Variants in TERB1 observed in about 807,000 individuals in gnomAD.
TERB1 encodes telomere repeat binding bouquet formation protein 1, also known as telomere repeats-binding bouquet formation protein 1.
In TERB1, 63 loss-of-function variants were observed where a neutral mutation model predicts 92.3. The ratio of observed to expected loss-of-function variants is 0.68; its 90% CI spans 0.56 to 0.84. TERB1 has a LOEUF of 0.84. TERB1 is among the 40% of genes least tolerant of loss of function. The pLI, the probability that TERB1 is intolerant of heterozygous loss-of-function variation, is 0.00. For missense variants in TERB1, 709 were observed against 843.7 expected (o/e 0.84, Z 1.98); for synonymous variants, 252 against 283.9 (o/e 0.89, Z 1.13).
At chr16:66,773,493 A>G (rs2018490019) in intron 12 of TERB1, among the ~76,000 whole-genome samples, 2 of 152,100 alleles carry the variant, frequency 1.3e-5, no homozygotes, top group Non-Finnish European at 2.9e-5. Flanking sequence ...CTGGCCATCA[A>G]TTCCTTAAGT....
intron 5 of TERB1, 49 bp from the exon 6 acceptor site, chr16:66,788,346 C>T (rs2018763458): frequency 9.3e-6 from 13 of 1,402,110 alleles, no homozygotes; most frequent in African/African-American, 1.5e-5. Flanking sequence ...CACAAACATG[C>T]TTTAAAATAT....
At chr16:66,778,725 A>T in intron 10 of TERB1, 138 bp downstream of exon 10, 1 of 697,408 alleles carries the variant, frequency 1.4e-6, no homozygotes, top group Non-Finnish European at 2.1e-6. Context: ...GCCATGTTGG[A>T]TACTTTCTAA....
At position 66,777,299 on chromosome 16, in the gene TERB1, C is replaced by T. The variant is rs1290153835; in HGVS notation, c.889G>A (p.Val297Ile). The change falls in exon 11 of 19, where the codon GTT becomes ATT. Residue 297 changes from valine (V) to isoleucine (I), a missense_variant. Physicochemically the swap from Val to Ile is conservative, Grantham distance 29. Transcript: ENST00000433154. ...FGIVLSKYHI[V>I]SKLLALLLHE... ...AGCAGTAATGCCAGAAGTTTAGAAA[C>T]AATGTGGTACTTGGAGAGTACTATC... is the stretch of plus-strand genomic sequence containing the variant. 1 of 1,548,592 alleles carries T rather than the reference C, an allele frequency of 6.5e-7. No individual in the cohort carries two copies. Among genetic ancestry groups the T allele is most frequent in the East Asian group, 2.5e-5 (1 of 40,814 alleles).
intron 16 of TERB1, among the ~76,000 whole-genome samples, chr16:66,766,769 T>C (rs978014677): frequency 1.3e-5 from 2 of 152,184 alleles, no homozygotes; most frequent in African/African-American, 4.8e-5. Context: ...ATACAAATAT[T>C]GGAAGCTCAG....
At position 66,775,117 on chromosome 16, in the gene TERB1, CT is replaced by C. The variant is rs1567471331; in HGVS notation, c.1111del (p.Thr371LeufsTer6). On this transcript the variant is annotated frameshift_variant and splice_region_variant, in exon 12 of 19. Transcript: ENST00000433154. LOFTEE classifies it high-confidence loss of function. Reference protein sequence around the residue: ...TFVLHNCKKITEKLSLSLGEY... With the variant: ...TFVLHNCKKIXEKLSLSLGEY... ...TGTTCTTAAAGTAATAGTACACTTA[CT>C]AATTTTTTTGCAGTTGTGAAGCACA... The C allele has an allele frequency of 6.4e-7, 1 of 1,551,364 alleles. No homozygotes were observed. The highest frequency in any genetic ancestry group is 8.7e-7 in the Non-Finnish European group (1 of 1,146,894).
chr16:66,793,662 C>T (rs1213513135), intron 3 of TERB1, among the ~76,000 whole-genome samples: 3 of 152,130 alleles, frequency 2.0e-5, no homozygotes, highest in Non-Finnish European at 2.9e-5. Context: ...CAGGTGTGCA[C>T]CACCACGCCC....
intron 12 of TERB1, among the ~76,000 whole-genome samples, chr16:66,774,808 C>T (rs2018517608): frequency 6.6e-6 from 1 of 151,822 alleles, no homozygotes; most frequent in East Asian, 1.9e-4. Context: ...CCTTCTACCT[C>T]AGCTTCCCAA....
At chr16:66,767,214 C>T (rs1384701689) in intron 16 of TERB1, among the ~76,000 whole-genome samples, 1 of 151,558 alleles carries the variant, frequency 6.6e-6, no homozygotes, top group African/African-American at 2.4e-5. Context: ...TAGTGGGCAC[C>T]TGTAATCCCA....
intron 9 of TERB1, among the ~76,000 whole-genome samples, chr16:66,783,326 C>T (rs1190813470): frequency 6.6e-6 from 1 of 152,204 alleles, no homozygotes; most frequent in Non-Finnish European, 1.5e-5. Flanking sequence ...TTTCCTGCAT[C>T]TATTGAAATT....
At chr16:66,766,264 A>C (rs1469132670) in intron 16 of TERB1, among the ~76,000 whole-genome samples, 1 of 151,776 alleles carries the variant, frequency 6.6e-6, no homozygotes, top group Non-Finnish European at 1.5e-5. Flanking sequence ...AAGATTTTGC[A>C]ATTAGTATTA....
chr16:66,793,149 A>G (rs2018864587), intron 3 of TERB1, among the ~76,000 whole-genome samples: 3 of 151,228 alleles, frequency 2.0e-5, no homozygotes, highest in Non-Finnish European at 4.4e-5. Flanking sequence ...GCATACTAAG[A>G]GAAATTAAGA....
chr16:66,774,968 A>AT, intron 12 of TERB1, 150 bp downstream of exon 12: 1 of 716,234 alleles, frequency 1.4e-6, no homozygotes, highest in Non-Finnish European at 2.2e-6. Context: ...AAGTGCTGGG[A>AT]TTACAGGCAT....
At chr16:66,800,395 T>TTTTG (rs1959240819) in intron 2 of TERB1, among the ~76,000 whole-genome samples, 3 of 105,050 alleles carry the variant, frequency 2.9e-5, no homozygotes, top group African/African-American at 2.3e-4. Flanking sequence ...AAAGAAAGTT[T>TTTTG]TTTTTTTTTT....
At chr16:66,791,501 C>A (rs1171401537) in intron 3 of TERB1, among the ~76,000 whole-genome samples, 1 of 151,908 alleles carries the variant, frequency 6.6e-6, no homozygotes, top group African/African-American at 2.4e-5. Flanking sequence ...AAGCTGAAAC[C>A]AGTGAAACAG....
At chr16:66,769,008 G>A (rs999534054) in intron 14 of TERB1, among the ~76,000 whole-genome samples, 1 of 151,918 alleles carries the variant, frequency 6.6e-6, no homozygotes, top group Non-Finnish European at 1.5e-5. Flanking sequence ...GGGAGGCTGA[G>A]GTAGGAGAAT....
rs778889310 is a variant in TERB1, at chr16:66,770,209, C to T, written c.1373G>A (p.Gly458Asp). 2.2e-4 allele frequency: 341 copies of T among 1,552,146 alleles called. No homozygotes were observed. Among genetic ancestry groups the T allele is most frequent in the Non-Finnish European group, 2.9e-4 (327 of 1,147,114 alleles). ...KHLHADRIGRGSKAEDEDKSH... is the reference protein window; with the variant it reads ...KHLHADRIGRDSKAEDEDKSH... ...TTTATCCTCATCTTCTGCTTTGCTA[C>T]CTCGACCAATCCGATCTGCATGGAG... Residue 458 changes from glycine to aspartate, a missense_variant, in exon 14 of 19, where the codon GGT (glycine) becomes GAT (aspartate). By Grantham distance (94) the Gly-to-Asp change is moderately conservative (BLOSUM62 -1). Coordinates refer to ENST00000433154, the MANE Select transcript of TERB1 (RefSeq NM_001136505.2).
intron 3 of TERB1, among the ~76,000 whole-genome samples, chr16:66,795,756 CTATT>C (rs983378220): frequency 5.3e-5 from 8 of 152,102 alleles, no homozygotes; most frequent in Non-Finnish European, 8.8e-5. Flanking sequence ...ATATATCTTA[CTATT>C]TATTTATTTA....
intron 10 of TERB1, 133 bp from the exon 11 acceptor site, chr16:66,777,467 A>T (rs779398611): frequency 4.0e-5 from 19 of 480,144 alleles, no homozygotes; most frequent in Non-Finnish European, 5.8e-5. Flanking sequence ...CACATATCAT[A>T]ACATCTAATA....
At chr16:66,759,007 A>C (rs2018184329) in intron 17 of TERB1, 134 bp downstream of exon 17, 3 of 978,706 alleles carry the variant, frequency 3.1e-6, no homozygotes, top group Non-Finnish European at 4.5e-6. Flanking sequence ...TACATCTTCA[A>C]TTACTTGTTG....
Sources: gnomAD v4.1 joint callset for allele counts (sites outside exome capture counted in the v4.1 genomes callset) on GRCh38, gnomAD v4.1.1 for gene constraint, MANE v1.5 for transcripts, NCBI Gene and HGNC (gene_info 2026-07-23, HGNC 2026-07-21) for gene names.